The following LRP1B variants were observed in gnomAD, a reference collection of about 807,000 sequenced individuals.
LRP1B encodes the protein LDL receptor related protein 1B.
In LRP1B, 217 loss-of-function variants were observed where a neutral mutation model predicts 556.6. That is an observed-to-expected ratio of 0.39 (90% CI 0.35 to 0.44). The LOEUF is 0.44. Among genes scored for constraint, LRP1B ranks in the 20% least tolerant of loss-of-function variants. The pLI, the probability that LRP1B is intolerant of heterozygous loss-of-function variation, is 1.00. For missense variants in LRP1B, 5,053 were observed against 5,620.8 expected (o/e 0.90, Z 3.23); for synonymous variants, 2,047 against 1,865.8 (o/e 1.10, Z -2.50).
intron 60 of LRP1B, among the ~76,000 whole-genome samples, chr2:140,467,016 T>G (rs1196992828): frequency 1.3e-5 from 2 of 152,190 alleles, no homozygotes; most frequent in Non-Finnish European, 2.9e-5. Flanking sequence ...TTTCTTTTCA[T>G]TAAATGGAAA....
chr2:142,030,710 T>C (rs1703662902), intron 1 of LRP1B, among the ~76,000 whole-genome samples: 1 of 151,810 alleles, frequency 6.6e-6, no homozygotes, highest in African/African-American at 2.4e-5. Flanking sequence ...AATAAAGTTG[T>C]CTGTGTAAGA....
chr2:141,275,939 TAA>T (rs1419028488), intron 3 of LRP1B, among the ~76,000 whole-genome samples: 2 of 152,114 alleles, frequency 1.3e-5, no homozygotes, highest in Non-Finnish European at 2.9e-5. Flanking sequence ...TACACATATA[TAA>T]AACTTTTATT....
chr2:141,810,584 A>C (rs1255762660), intron 1 of LRP1B, among the ~76,000 whole-genome samples, 183 bp from the exon 2 acceptor site: 4 of 152,106 alleles, frequency 2.6e-5, no homozygotes, highest in Admixed American at 2.6e-4. Context: ...GCTGAAACAC[A>C]CAATTTTAAT....
intron 1 of LRP1B, among the ~76,000 whole-genome samples, chr2:141,961,554 A>G (rs78553935): frequency 0.035 from 5,320 of 151,742 alleles, 300 homozygotes; most frequent in African/African-American, 0.12. Context: ...AAATTAAAAC[A>G]CATTATTGTC....
intron 41 of LRP1B, among the ~76,000 whole-genome samples, chr2:140,626,870 A>C (rs1302167235): frequency 6.6e-6 from 1 of 152,198 alleles, no homozygotes; most frequent in African/African-American, 2.4e-5. Context: ...TATGAATATC[A>C]GTCTTGACAT....
chr2:141,917,167 CATATT>C (rs1700059928), intron 1 of LRP1B, among the ~76,000 whole-genome samples: 2 of 152,164 alleles, frequency 1.3e-5, no homozygotes, highest in Non-Finnish European at 2.9e-5. Flanking sequence ...TAAAATAAGA[CATATT>C]ATATAATGAT....
At chr2:140,761,865 A>AGACAAACTGTAATTTTGTATATTACT (rs1481015334) in intron 35 of LRP1B, among the ~76,000 whole-genome samples, 19 of 152,204 alleles carry the variant, frequency 1.2e-4, no homozygotes, top group African/African-American at 4.6e-4. Context: ...ACCAAGTGTT[A>AGACAAACTGTAATTTTGTATATTACT]GTAATTTGTT....
At chr2:142,056,941 T>G (rs1389451682) in intron 1 of LRP1B, among the ~76,000 whole-genome samples, 1 of 152,112 alleles carries the variant, frequency 6.6e-6, no homozygotes, top group Non-Finnish European at 1.5e-5. Context: ...TTCACCTAAA[T>G]TACATGCTAA....
intron 73 of LRP1B, 81 bp downstream of exon 73, chr2:140,358,740 T>C (rs1682360766): frequency 2.1e-6 from 3 of 1,450,214 alleles, no homozygotes; most frequent in Non-Finnish European, 1.9e-6. Context: ...ATAAGAAATG[T>C]ATTTTTTAAA....
At chr2:140,981,256 A>G (rs1289251664) in intron 18 of LRP1B, among the ~76,000 whole-genome samples, 1 of 152,178 alleles carries the variant, frequency 6.6e-6, no homozygotes, top group Non-Finnish European at 1.5e-5. Context: ...ATTTTAAAAA[A>G]GAAAAATATA....
intron 1 of LRP1B, among the ~76,000 whole-genome samples, chr2:141,851,105 A>G (rs963420022): frequency 1.3e-5 from 1 of 74,994 alleles, no homozygotes; most frequent in African/African-American, 5.9e-5. Context: ...CCCTTGTTCT[A>G]GTTGTTTTCA....
intron 7 of LRP1B, among the ~76,000 whole-genome samples, chr2:141,154,250 T>G (rs911744102): frequency 6.6e-6 from 1 of 151,886 alleles, no homozygotes; most frequent in Admixed American, 6.6e-5. Context: ...ACAATAAACA[T>G]CTCACATCTT....
chr2:140,959,936 A>G (rs969209963), intron 18 of LRP1B, among the ~76,000 whole-genome samples: 1 of 151,696 alleles, frequency 6.6e-6, no homozygotes, highest in African/African-American at 2.4e-5. Flanking sequence ...AGGAATAGAC[A>G]CTTCAGGGCC....
At chr2:140,459,984 A>G (rs1369048878) in intron 60 of LRP1B, among the ~76,000 whole-genome samples, 2 of 152,108 alleles carry the variant, frequency 1.3e-5, no homozygotes, top group Non-Finnish European at 2.9e-5. Context: ...CAGCCTATGG[A>G]ACTGTGGGTC....
At chr2:141,120,483 T>G (rs1278745904) in intron 7 of LRP1B, among the ~76,000 whole-genome samples, 1 of 152,068 alleles carries the variant, frequency 6.6e-6, no homozygotes. Context: ...CATAAGGCAA[T>G]TTCAATGCAA....
chr2:141,884,048 C>T (rs1025621502), intron 1 of LRP1B, among the ~76,000 whole-genome samples: 5 of 151,998 alleles, frequency 3.3e-5, no homozygotes, highest in Admixed American at 2.0e-4. Context: ...TTTGTAATAC[C>T]AGGAACCCTA....
chr2:141,949,770 AAAAC>A (rs1701057468), intron 1 of LRP1B, among the ~76,000 whole-genome samples: 1 of 152,164 alleles, frequency 6.6e-6, no homozygotes, highest in Non-Finnish European at 1.5e-5. Flanking sequence ...TGGAAGAGTA[AAAAC>A]AAACAAATGG....
intron 3 of LRP1B, among the ~76,000 whole-genome samples, chr2:141,338,081 G>A (rs72846010): frequency 0.094 from 14,241 of 152,210 alleles, 883 homozygotes; most frequent in South Asian, 0.17. Context: ...TGGTTGTAAT[G>A]TCACTTTGAA....
At chr2:142,124,731 A>G (rs1381512022) in intron 1 of LRP1B, among the ~76,000 whole-genome samples, 1 of 151,868 alleles carries the variant, frequency 6.6e-6, no homozygotes, top group African/African-American at 2.4e-5. Flanking sequence ...ACTACCAAAA[A>G]TATTTCATTT....
Sources: allele counts gnomAD v4.1 joint callset (sites outside exome capture counted in the v4.1 genomes callset), GRCh38; gene constraint gnomAD v4.1.1; transcripts MANE v1.5; gene names NCBI Gene and HGNC (gene_info 2026-07-23, HGNC 2026-07-21).